The following TENT5D variants were observed in gnomAD, a reference collection of about 807,000 sequenced individuals.
TENT5D encodes cancer/testis antigen 112.
For missense variants in TENT5D, 191 were observed against 287.0 expected, an observed-to-expected ratio of 0.67 and a Z score of 2.42; for synonymous variants, 103 against 100.6, an observed-to-expected ratio of 1.02 and a Z score of -0.15.
chrX:80,338,751 G>A (rs1929901110), intron 2 of TENT5D, among the ~76,000 whole-genome samples: 1 of 112,013 alleles, frequency 8.9e-6, no homozygotes, highest in African/African-American at 3.2e-5. Flanking sequence ...GAGTTCACTA[G>A]AAATGAAGAG....
chrX:80,341,371 A>G (rs1347005837), intron 2 of TENT5D, among the ~76,000 whole-genome samples: 1 of 112,384 alleles, frequency 8.9e-6, no homozygotes, highest in Non-Finnish European at 1.9e-5. Context: ...ATGACTGCTT[A>G]TTTCAAAAAC....
chrX:80,345,178 A>G (rs1225959080), intron 3 of TENT5D, among the ~76,000 whole-genome samples: 2 of 111,454 alleles, frequency 1.8e-5, no homozygotes, highest in Non-Finnish European at 3.8e-5. Flanking sequence ...TTACACCTTT[A>G]TATAGTTCTT....
At chrX:80,432,275 C>T (rs1235486729) in intron 1 of TENT5D, among the ~76,000 whole-genome samples, 1 of 111,872 alleles carries the variant, frequency 8.9e-6, no homozygotes, top group Admixed American at 9.5e-5. Context: ...CCCCAGGTAA[C>T]ACTGAAGTGT....
At chrX:80,403,166 C>A (rs1931420882) in intron 3 of TENT5D, among the ~76,000 whole-genome samples, 1 of 111,779 alleles carries the variant, frequency 8.9e-6, no homozygotes, top group Non-Finnish European at 1.9e-5. Flanking sequence ...TTTACTGTTG[C>A]TCAAATATTT....
At chrX:80,347,682 T>A (rs1039781779) in intron 3 of TENT5D, among the ~76,000 whole-genome samples, 3 of 111,730 alleles carry the variant, frequency 2.7e-5, no homozygotes, top group Non-Finnish European at 5.6e-5. Flanking sequence ...TTTAATTAGA[T>A]CTCATTTGTC....
intron 2 of TENT5D, among the ~76,000 whole-genome samples, chrX:80,440,680 G>T (rs1361689446): frequency 9.0e-6 from 1 of 110,922 alleles, no homozygotes; most frequent in African/African-American, 3.2e-5. Context: ...ATGGAAATTT[G>T]CCATTAAGGA....
chrX:80,361,044 A>G (rs1007613588), intron 3 of TENT5D, among the ~76,000 whole-genome samples: 3 of 111,301 alleles, frequency 2.7e-5, no homozygotes, highest in African/African-American at 9.8e-5. Context: ...CTTCCTTCCA[A>G]TCTAGTCTTT....
At chrX:80,404,842 A>T (rs1931451017) in intron 3 of TENT5D, among the ~76,000 whole-genome samples, 1 of 112,119 alleles carries the variant, frequency 8.9e-6, no homozygotes, top group Admixed American at 9.5e-5. Flanking sequence ...GGATGTAATA[A>T]CCTTAATTTA....
intron 3 of TENT5D, among the ~76,000 whole-genome samples, chrX:80,357,803 GA>G (rs1188002997): frequency 8.1e-5 from 9 of 110,799 alleles, no homozygotes; most frequent in Non-Finnish European, 5.7e-5. Context: ...CACAGAATTG[GA>G]AAAAAACTAC....
At chrX:80,383,969 G>C (rs112439707) in intron 3 of TENT5D, among the ~76,000 whole-genome samples, 1 of 111,182 alleles carries the variant, frequency 9.0e-6, no homozygotes, top group Non-Finnish European at 1.9e-5. Flanking sequence ...ATTCACAGTG[G>C]AATTCTACCA....
upstream of TENT5D, among the ~76,000 whole-genome samples, chrX:80,417,218 G>A (rs1931794185): frequency 9.0e-6 from 1 of 111,053 alleles, no homozygotes; most frequent in African/African-American, 3.3e-5. Context: ...TTGGTCTCTT[G>A]AGGACAGCAT....
At chrX:80,389,317 C>T (rs1931084005) in intron 3 of TENT5D, among the ~76,000 whole-genome samples, 1 of 112,066 alleles carries the variant, frequency 8.9e-6, no homozygotes, top group Non-Finnish European at 1.9e-5. Context: ...CCACCTTGTT[C>T]TGCCTTGGGT....
At chrX:80,383,039 T>A (rs1930908365) in intron 3 of TENT5D, among the ~76,000 whole-genome samples, 1 of 111,423 alleles carries the variant, frequency 9.0e-6, no homozygotes. Context: ...ACCATGTACC[T>A]CAGTTGGAAA....
At chrX:80,362,695 A>G (rs1202954594) in intron 3 of TENT5D, among the ~76,000 whole-genome samples, 2 of 111,376 alleles carry the variant, frequency 1.8e-5, no homozygotes, top group African/African-American at 6.5e-5. Flanking sequence ...AAGACTTAGC[A>G]TAATAATACA....
At chrX:80,424,070 A>T (rs1931939865) in intron 1 of TENT5D, among the ~76,000 whole-genome samples, 1 of 109,744 alleles carries the variant, frequency 9.1e-6, no homozygotes, top group South Asian at 3.9e-4. Context: ...GCTGTTAGGG[A>T]GATTAAGCGT....
chrX:80,399,484 C>T (rs1931351168), intron 3 of TENT5D, among the ~76,000 whole-genome samples: 1 of 111,573 alleles, frequency 9.0e-6, no homozygotes, highest in Non-Finnish European at 1.9e-5. Context: ...GTGGCTAGTG[C>T]CATGCTGTTT....
intron 3 of TENT5D, among the ~76,000 whole-genome samples, chrX:80,351,307 C>G (rs1047928284): frequency 2.7e-5 from 3 of 109,668 alleles, no homozygotes; most frequent in African/African-American, 9.9e-5. Flanking sequence ...GGTCTTTTTA[C>G]ATAGTCCCAT....
chrX:80,338,452 C>T (rs1234038907), intron 2 of TENT5D, among the ~76,000 whole-genome samples: 1 of 112,287 alleles, frequency 8.9e-6, no homozygotes, highest in East Asian at 2.8e-4. Flanking sequence ...TAAAATTTGA[C>T]ATGAGCAAAA....
chrX:80,407,055 G>T (rs1343885891), intron 3 of TENT5D, among the ~76,000 whole-genome samples: 1 of 108,741 alleles, frequency 9.2e-6, no homozygotes, highest in Non-Finnish European at 1.9e-5. Flanking sequence ...AATGCTGAGA[G>T]ATTTTGTCAC....
Sources: gnomAD v4.1 joint callset for allele counts (sites outside exome capture counted in the v4.1 genomes callset) on GRCh38, gnomAD v4.1.1 for gene constraint, MANE v1.5 for transcripts, NCBI Gene and HGNC (gene_info 2026-07-23, HGNC 2026-07-21) for gene names.